The following ITGA9 variants were observed in gnomAD, a reference collection of about 807,000 sequenced individuals.
ITGA9 encodes the protein integrin alpha-9.
Under a neutral mutation model 127.8 loss-of-function variants are expected in ITGA9, and 56 were observed. The ratio of observed to expected loss-of-function variants is 0.44; its 90% CI spans 0.35 to 0.55. ITGA9 has a LOEUF of 0.55. Ranked by LOEUF, ITGA9 falls within the 20% of genes least tolerant of loss-of-function variation. ITGA9 has a pLI of 0.00. For missense variants in ITGA9, 1,196 were observed against 1,347.1 expected (o/e 0.89, Z 1.76); for synonymous variants, 508 against 514.5 (o/e 0.99, Z 0.17).
rs368577036 is a variant in ITGA9 at position 37,518,093 on chromosome 3, C to CGCGTGTGTGT, written c.1141+485_1141+486insCGTGTGTGTG. On this transcript the variant is annotated intron_variant, in intron 10 of 27. Coordinates refer to ENST00000264741, the MANE Select transcript of ITGA9 (RefSeq NM_002207.3). ...CTAGATTGACTTTTGAGAGTGTACG[C>CGCGTGTGTGT]GTGTGTGTGTGTGTGTGTGTGTGTG... 2.8e-3 allele frequency among the ~76,000 whole-genome samples: 399 copies of CGCGTGTGTGT among 144,212 alleles called. 2 individuals carry two copies. The highest frequency in any genetic ancestry group is 0.017 in the South Asian group (74 of 4,380). 94.6% of individuals were successfully genotyped at this position (144,212 alleles called of 152,430 possible).
chr3:37,587,344 G>C (rs777321020), intron 15 of ITGA9, among the ~76,000 whole-genome samples: 1 of 152,158 alleles, frequency 6.6e-6, no homozygotes, highest in African/African-American at 2.4e-5. Context: ...AAACAGTTAA[G>C]TTCAGGTCCT....
chr3:37,501,507 C>A (rs1698786689), intron 5 of ITGA9, among the ~76,000 whole-genome samples: 1 of 152,044 alleles, frequency 6.6e-6, no homozygotes, highest in African/African-American at 2.4e-5. Context: ...AATGTGTATA[C>A]CATGTCGTCT....
At chr3:37,555,587 G>GTACA (rs1699422966) in intron 15 of ITGA9, among the ~76,000 whole-genome samples, 1 of 152,216 alleles carries the variant, frequency 6.6e-6, no homozygotes, top group South Asian at 2.1e-4. Context: ...TCCTGCCACA[G>GTACA]TACAGCATGG....
chr3:37,473,759 C>T (rs1266772423), intron 3 of ITGA9, among the ~76,000 whole-genome samples: 1 of 152,052 alleles, frequency 6.6e-6, no homozygotes, highest in Non-Finnish European at 1.5e-5. Flanking sequence ...GTATAATTTA[C>T]AGTACACAAA....
At chr3:37,687,937 C>T (rs1445815908) in intron 18 of ITGA9, among the ~76,000 whole-genome samples, 1 of 152,158 alleles carries the variant, frequency 6.6e-6, no homozygotes, top group Non-Finnish European at 1.5e-5. Context: ...AGGTTACTGC[C>T]GTAGGCACCT....
chr3:37,751,702 G>A (rs1237736548), intron 23 of ITGA9, among the ~76,000 whole-genome samples: 4 of 152,156 alleles, frequency 2.6e-5, no homozygotes, highest in African/African-American at 9.7e-5. Context: ...GTGGTTTCCT[G>A]AAGACCTGGA....
chr3:37,668,756 C>T (rs1485982979), intron 17 of ITGA9, among the ~76,000 whole-genome samples: 1 of 152,200 alleles, frequency 6.6e-6, no homozygotes, highest in Non-Finnish European at 1.5e-5. Context: ...CAAGTTTGTT[C>T]TGAGCCACCT....
chr3:37,748,088 C>T, intron 22 of ITGA9: 1 of 443,502 alleles, frequency 2.3e-6, no homozygotes, highest in Non-Finnish European at 4.5e-6. Flanking sequence ...GCCAGAACCA[C>T]CATCTTCCAG....
chr3:37,556,806 C>T (rs560187882), intron 15 of ITGA9, among the ~76,000 whole-genome samples: 28 of 152,360 alleles, frequency 1.8e-4, no homozygotes, highest in African/African-American at 6.5e-4. Flanking sequence ...CCAGATGCCT[C>T]TCTCCTCACA....
intron 18 of ITGA9, among the ~76,000 whole-genome samples, chr3:37,699,713 C>T (rs1308623247): frequency 1.3e-5 from 2 of 152,184 alleles, no homozygotes; most frequent in African/African-American, 2.4e-5. Flanking sequence ...GATCTGACCC[C>T]GTTGCTGCCT....
At chr3:37,649,129 GAAACA>G (rs1425570789) in intron 16 of ITGA9, among the ~76,000 whole-genome samples, 9 of 120,188 alleles carry the variant, frequency 7.5e-5, no homozygotes, top group Non-Finnish European at 1.1e-4. Context: ...AAAAAAAAAA[GAAACA>G]AAACAAAAGA....
chr3:37,677,145 A>T (rs1291687818), intron 17 of ITGA9, among the ~76,000 whole-genome samples: 2 of 152,170 alleles, frequency 1.3e-5, no homozygotes, highest in Admixed American at 1.3e-4. Flanking sequence ...ATTTACCAGC[A>T]TGCATTCAGG....
At chr3:37,584,152 C>A (rs1699734326) in intron 15 of ITGA9, among the ~76,000 whole-genome samples, 2 of 152,216 alleles carry the variant, frequency 1.3e-5, no homozygotes, top group Non-Finnish European at 2.9e-5. Flanking sequence ...TTGGACAGTT[C>A]TGCTGCAGGT....
intron 18 of ITGA9, among the ~76,000 whole-genome samples, chr3:37,687,564 A>G (rs1024769163): frequency 2.6e-5 from 4 of 152,244 alleles, no homozygotes; most frequent in African/African-American, 9.6e-5. Flanking sequence ...GTCTACAAAT[A>G]GCTTCATGAA....
chr3:37,743,844 A>G (rs1559585239), intron 21 of ITGA9, 82 bp from the exon 22 acceptor site: 1 of 956,852 alleles, frequency 1.0e-6, no homozygotes, highest in South Asian at 1.3e-5. Flanking sequence ...AATTGAGACA[A>G]ATGTTTGCTT....
At chr3:37,780,977 G>A (rs1338342431) in intron 25 of ITGA9, among the ~76,000 whole-genome samples, 2 of 152,336 alleles carry the variant, frequency 1.3e-5, no homozygotes, top group Middle Eastern at 3.4e-3. Flanking sequence ...AGTGTGGTCC[G>A]AGGACCAGCA....
At chr3:37,466,759 G>T (rs1273749294) in intron 1 of ITGA9, among the ~76,000 whole-genome samples, 2 of 152,174 alleles carry the variant, frequency 1.3e-5, no homozygotes, top group Non-Finnish European at 2.9e-5. Flanking sequence ...CATGCTGCTG[G>T]TCTGAGGACC....
At chr3:37,674,884 T>A (rs1053648292) in intron 17 of ITGA9, among the ~76,000 whole-genome samples, 3 of 152,206 alleles carry the variant, frequency 2.0e-5, no homozygotes, top group Non-Finnish European at 4.4e-5. Flanking sequence ...AGAATGTGGA[T>A]CCCAAGGGTT....
At chr3:37,624,225 A>G (rs1172784763) in intron 15 of ITGA9, among the ~76,000 whole-genome samples, 1 of 52,178 alleles carries the variant, frequency 1.9e-5, no homozygotes, top group African/African-American at 9.0e-5. Context: ...TTTTTTTTTA[A>G]TGGAGACAAG....
Sources: allele counts gnomAD v4.1 joint callset (sites outside exome capture counted in the v4.1 genomes callset), GRCh38; gene constraint gnomAD v4.1.1; transcripts MANE v1.5; gene names NCBI Gene and HGNC (gene_info 2026-07-23, HGNC 2026-07-21).